SHC3: variants seen among roughly 807,000 people sequenced by gnomAD.
The protein encoded by SHC3 is SHC-transforming protein 3.
SHC3 carries 15 observed loss-of-function variants against 60.4 expected under a neutral mutation model. The observed-to-expected ratio is 0.25, with a 90% CI of 0.17 to 0.38. The LOEUF is 0.38. Among genes scored for constraint, SHC3 ranks in the 10% least tolerant of loss-of-function variants. SHC3 has a pLI of 1.00. For synonymous variants in SHC3, 294 were observed against 325.9 expected, an observed-to-expected ratio of 0.90 and a Z score of 1.05; for missense variants, 677 against 786.1, an observed-to-expected ratio of 0.86 and a Z score of 1.66.
intron 2 of SHC3, among the ~76,000 whole-genome samples, chr9:89,104,182 T>A (rs1051089188): frequency 3.3e-5 from 5 of 151,068 alleles, no homozygotes; most frequent in African/African-American, 1.2e-4. Flanking sequence ...AAAAAAAAAA[T>A]AAACAGACTC....
chr9:89,178,611 G>C lies in SHC3; in HGVS notation c.-151C>G, dbSNP rs1379543455. Reference sequence around the variant, plus strand: ...CTTCTGGAGAACGAGAGCAGAGCAAGAGGATGGTGCCCTCCCACCGTTAAA... The same window carrying C: ...CTTCTGGAGAACGAGAGCAGAGCAACAGGATGGTGCCCTCCCACCGTTAAA... On this transcript the variant is annotated 5_prime_UTR_variant, in exon 1 of 12. Coordinates refer to ENST00000375835, the MANE Select transcript of SHC3 (RefSeq NM_016848.6). The surrounding 1 kb of genome is among the most constrained non-coding windows in gnomAD (Gnocchi z 6.9). The C allele has an allele frequency of 1.7e-6, 1 of 602,720 alleles. No individual in the cohort carries two copies. Among genetic ancestry groups the C allele is most frequent in the East Asian group, 3.5e-5 (1 of 28,832 alleles). 37.3% of individuals were successfully genotyped at this position (602,720 alleles called of 1,614,324 possible). A position where few individuals can be genotyped will look rare whatever the true frequency, so the allele number is the denominator to read the frequency against.
chr9:89,136,973 G>A (rs1228102612), intron 1 of SHC3, among the ~76,000 whole-genome samples: 1 of 152,106 alleles, frequency 6.6e-6, no homozygotes, highest in Non-Finnish European at 1.5e-5. Flanking sequence ...TTATAATCAT[G>A]GTAGAAGGGT....
chr9:89,056,104 G>A (rs1274756633), intron 6 of SHC3, among the ~76,000 whole-genome samples: 1 of 152,186 alleles, frequency 6.6e-6, no homozygotes, highest in Non-Finnish European at 1.5e-5. Flanking sequence ...CATCCTGGAG[G>A]TACATTTCTT....
intron 2 of SHC3, among the ~76,000 whole-genome samples, chr9:89,106,770 G>T (rs920672002): frequency 6.6e-6 from 1 of 152,162 alleles, no homozygotes; most frequent in East Asian, 1.9e-4. Flanking sequence ...GATACCTTCG[G>T]TCTAACCAAG....
intron 1 of SHC3, among the ~76,000 whole-genome samples, chr9:89,163,909 C>G (rs979243240): frequency 9.2e-5 from 14 of 151,722 alleles, no homozygotes; most frequent in Admixed American, 9.2e-4. Flanking sequence ...TTGCTGCATT[C>G]TTACATGGTA....
intron 7 of SHC3, 134 bp downstream of exon 7, chr9:89,051,903 C>A: frequency 7.7e-7 from 1 of 1,296,350 alleles, no homozygotes; most frequent in Non-Finnish European, 1.1e-6. Context: ...CCAGCACCGA[C>A]CAGGTGTCTC....
At chr9:89,035,863 GTGTGT>G (rs1824569959) in intron 11 of SHC3, among the ~76,000 whole-genome samples, 1 of 116,728 alleles carries the variant, frequency 8.6e-6, no homozygotes, top group East Asian at 3.7e-4. Flanking sequence ...GTGTGTGTGT[GTGTGT>G]GTGTGTGTGT....
intron 9 of SHC3, among the ~76,000 whole-genome samples, chr9:89,042,663 A>T (rs1824706782): frequency 6.6e-6 from 1 of 152,194 alleles, no homozygotes; most frequent in Admixed American, 6.5e-5. Flanking sequence ...CCTCCTAAGG[A>T]ACTGAGAGAG....
At chr9:89,081,248 A>G (rs1825440158) in intron 2 of SHC3, among the ~76,000 whole-genome samples, 2 of 152,202 alleles carry the variant, frequency 1.3e-5, no homozygotes, top group Admixed American at 1.3e-4. Context: ...CAAAAGCCCA[A>G]TAGAGGGCGG....
intron 7 of SHC3, among the ~76,000 whole-genome samples, chr9:89,048,858 A>G (rs1232482789): frequency 6.6e-6 from 1 of 152,110 alleles, no homozygotes; most frequent in Non-Finnish European, 1.5e-5. Context: ...CCGCTCTCGG[A>G]TAGTACCCTG....
rs964486628 is a variant in SHC3, at chr9:89,178,543, A to C, written c.-83T>G. The C allele has an allele frequency of 2.3e-5, 31 of 1,324,418 alleles. No homozygotes were observed. In the African/African-American group the frequency reaches 4.8e-4, roughly 20 times the overall value. 82.0% of individuals were successfully genotyped at this position (1,324,418 alleles called of 1,614,324 possible). On this transcript the variant is annotated 5_prime_UTR_variant, in exon 1 of 12. Coordinates refer to ENST00000375835, the MANE Select transcript of SHC3 (RefSeq NM_016848.6). This position sits in a 1 kb window ranked among gnomAD's most constrained non-coding sequence, Gnocchi z 6.9. The stretch of plus-strand genomic sequence containing the variant: ...GGCTGCCGCGCATAGCAGGCGAGCC[A>C]CTGTCCCCGGAGCGGGACGGAGAGT...
At chr9:89,162,398 T>C (rs1826721707) in intron 1 of SHC3, among the ~76,000 whole-genome samples, 2 of 151,796 alleles carry the variant, frequency 1.3e-5, no homozygotes, top group African/African-American at 4.8e-5. Context: ...AACAGAGATA[T>C]AGATCAATGG....
intron 1 of SHC3, among the ~76,000 whole-genome samples, chr9:89,163,983 C>T (rs1294360211): frequency 6.6e-6 from 1 of 152,086 alleles, no homozygotes; most frequent in African/African-American, 2.4e-5. Context: ...TTCATGAGAG[C>T]TCCACCCCTA....
At chr9:89,084,965 C>T (rs1194902460) in intron 2 of SHC3, among the ~76,000 whole-genome samples, 2 of 152,210 alleles carry the variant, frequency 1.3e-5, no homozygotes, top group East Asian at 1.9e-4. Context: ...CCTGCACACA[C>T]CTGTCTTCAC....
intron 4 of SHC3, among the ~76,000 whole-genome samples, chr9:89,074,397 T>A (rs1487177920): frequency 6.6e-6 from 1 of 152,186 alleles, no homozygotes; most frequent in Non-Finnish European, 1.5e-5. Flanking sequence ...TTTCACCTCC[T>A]GCGCCTCATT....
intron 4 of SHC3, 86 bp from the exon 5 acceptor site, chr9:89,071,338 C>T: frequency 7.4e-7 from 1 of 1,356,250 alleles, no homozygotes; most frequent in South Asian, 1.2e-5. Context: ...GCAGGCATTA[C>T]AAATTGACAT....
In SHC3 at chr9:89,170,278, T is replaced by C. The variant is rs1826850539; in HGVS notation, c.474+7709A>G. Among the ~76,000 whole-genome samples, 3 of 152,336 alleles carry C rather than the reference T, an allele frequency of 2.0e-5. No homozygotes were observed. In the South Asian group the frequency reaches 6.2e-4, roughly 32 times the overall value. ...TTTTGCCAGCCTGAAGCATAGCTCA[T>C]GCAGTCAAAATCAGCAGGGAGGGCC... On this transcript the variant is annotated intron_variant, in intron 1 of 11. Transcript: ENST00000375835.
chr9:89,154,035 G>T (rs1039647735), intron 1 of SHC3, among the ~76,000 whole-genome samples: 1 of 152,082 alleles, frequency 6.6e-6, no homozygotes, highest in Non-Finnish European at 1.5e-5. Context: ...CATATGACAG[G>T]CATCATCCAA....
intron 11 of SHC3, among the ~76,000 whole-genome samples, chr9:89,019,538 T>C (rs957164734): frequency 6.6e-6 from 1 of 152,230 alleles, no homozygotes; most frequent in Non-Finnish European, 1.5e-5. Context: ...CTCCTTGAAC[T>C]AATTGTGATT....
Sources: allele counts gnomAD v4.1 joint callset (sites outside exome capture counted in the v4.1 genomes callset), GRCh38; gene constraint gnomAD v4.1.1; non-coding constraint Gnocchi (gnomAD v3.1); transcripts MANE v1.5; gene names NCBI Gene and HGNC (gene_info 2026-07-23, HGNC 2026-07-21).